Variants in APBA2 observed in about 807,000 individuals in gnomAD.
APBA2 encodes the protein amyloid beta precursor protein binding family A member 2.
In APBA2, 30 loss-of-function variants were observed where a neutral mutation model predicts 75.0. The observed-to-expected ratio is 0.40, with a 90% CI of 0.30 to 0.54. APBA2 has a LOEUF of 0.54. Ranked by LOEUF, APBA2 falls within the 20% of genes least tolerant of loss-of-function variation. The pLI is 0.49. For synonymous variants in APBA2, 444 were observed against 409.6 expected, an observed-to-expected ratio of 1.08 and a Z score of -1.01; for missense variants, 801 against 1,016.1, an observed-to-expected ratio of 0.79 and a Z score of 2.88.
chr15:28,955,333 C>T (rs904356664), intron 2 of APBA2, among the ~76,000 whole-genome samples: 5 of 152,182 alleles, frequency 3.3e-5, no homozygotes, highest in Non-Finnish European at 7.4e-5. Context: ...CTTTCTCAAC[C>T]GTACTTCCTG....
At chr15:28,964,242 C>T (rs1049457045) in intron 2 of APBA2, among the ~76,000 whole-genome samples, 2 of 152,206 alleles carry the variant, frequency 1.3e-5, no homozygotes, top group African/African-American at 4.8e-5. Context: ...AACTATTTTC[C>T]AGAGTGGCTG....
At chr15:29,044,007 C>T (rs928003500) in intron 3 of APBA2, among the ~76,000 whole-genome samples, 1 of 152,150 alleles carries the variant, frequency 6.6e-6, no homozygotes, top group Non-Finnish European at 1.5e-5. Flanking sequence ...GTGAAAGCAA[C>T]TAAATTATAT....
chr15:29,003,169 C>T (rs978077048), intron 3 of APBA2, among the ~76,000 whole-genome samples: 1 of 152,018 alleles, frequency 6.6e-6, no homozygotes, highest in South Asian at 2.1e-4. Context: ...ATGTGCTTTC[C>T]ATAGTTGACC....
chr15:29,019,949 TTCCCG>T (rs1351353376), intron 3 of APBA2, among the ~76,000 whole-genome samples: 1 of 152,260 alleles, frequency 6.6e-6, no homozygotes, highest in East Asian at 1.9e-4. Flanking sequence ...GTGTCATCAG[TTCCCG>T]ACATTATAAC....
chr15:29,048,771 T>TA (rs938995204), intron 3 of APBA2, among the ~76,000 whole-genome samples: 70 of 147,322 alleles, frequency 4.8e-4, no homozygotes, highest in East Asian at 2.6e-3. Flanking sequence ...ACATCTCTAC[T>TA]AAAAAAAAAA....
At chr15:29,052,279 C>T (rs1271549914) in intron 3 of APBA2, among the ~76,000 whole-genome samples, 1 of 151,850 alleles carries the variant, frequency 6.6e-6, no homozygotes, top group Non-Finnish European at 1.5e-5. Flanking sequence ...CACGGTGAAA[C>T]CCCGTCTCTA....
At chr15:28,989,832 A>G (rs574180044) in intron 2 of APBA2, among the ~76,000 whole-genome samples, 24 of 152,168 alleles carry the variant, frequency 1.6e-4, no homozygotes, top group African/African-American at 5.8e-4. Flanking sequence ...CTTCCCCTTC[A>G]TCCTGGCCTG....
At chr15:29,093,364 C>T (rs540199878) in intron 7 of APBA2, 144 bp downstream of exon 7, 27 of 1,290,114 alleles carry the variant, frequency 2.1e-5, no homozygotes, top group Middle Eastern at 2.6e-4. Flanking sequence ...CAGGTGCCAA[C>T]GAGGCTGAGG....
At position 28,991,562 on chromosome 15, in the gene APBA2, C is replaced by A. The variant is rs2038234144; in HGVS notation, c.-94-4191C>A. Among the ~76,000 whole-genome samples the A allele has an allele frequency of 1.3e-5, 2 of 152,168 alleles. No individual in the cohort carries two copies. Among genetic ancestry groups the A allele is most frequent in the South Asian group, 4.1e-4 (2 of 4,826 alleles). ...ACGAAGGCCATGTGAGTGTGAACCCCCATTACAAGCTTTCCCTCATGAGAT... is the reference window on the plus strand; with the variant it reads ...ACGAAGGCCATGTGAGTGTGAACCCACATTACAAGCTTTCCCTCATGAGAT... On this transcript the variant is annotated intron_variant, in intron 2 of 14. Transcript: ENST00000683413. This position sits in a 1 kb window ranked among gnomAD's most constrained non-coding sequence, Gnocchi z 4.7.
At chr15:29,103,999 G>T (rs1489316661) in intron 10 of APBA2, among the ~76,000 whole-genome samples, 1 of 152,256 alleles carries the variant, frequency 6.6e-6, no homozygotes. Flanking sequence ...GTGGGAACCG[G>T]CAAGTCCTGG....
Position 29,054,273 on chromosome 15 carries a change from A to G in APBA2, c.389A>G (p.Asp130Gly), listed in dbSNP as rs1196655998. Reference sequence around the variant, plus strand: ...CTGGCCCACAGTGCACACCCTGTGGACACTGATGAGTGCCAGGAGGCGGTG... The same window carrying G: ...CTGGCCCACAGTGCACACCCTGTGGGCACTGATGAGTGCCAGGAGGCGGTG... ...EYLAHSAHPV[D>G]TDECQEAVEE... The change falls in exon 4 of 15, where the codon GAC (aspartate) becomes GGC (glycine). Residue 130 changes from aspartate (D) to glycine (G), a missense_variant. Asp to Gly is a moderately conservative substitution (Grantham distance 94, BLOSUM62 -1). Around this residue, in one of 2 missense-constraint regions of APBA2, gnomAD observed 434 missense variants for 471.6 expected, o/e 0.92. Transcript: ENST00000683413. This position sits in a 1 kb window ranked among gnomAD's most constrained non-coding sequence, Gnocchi z 6.1. 3.1e-6 allele frequency: 5 copies of G among 1,614,154 alleles called. No homozygotes were observed. The highest frequency in any genetic ancestry group is 4.2e-6 in the Non-Finnish European group (5 of 1,180,028).
chr15:29,042,533 C>T (rs1483800910), intron 3 of APBA2, among the ~76,000 whole-genome samples: 1 of 152,134 alleles, frequency 6.6e-6, no homozygotes, highest in Non-Finnish European at 1.5e-5. Flanking sequence ...GCTGGGATTA[C>T]AGGAGTGAGC....
chr15:29,106,560 C>A (rs911480525), intron 11 of APBA2, 47 bp from the exon 12 acceptor site: 1 of 1,606,968 alleles, frequency 6.2e-7, no homozygotes, highest in African/African-American at 1.3e-5. Flanking sequence ...TGGCAGAGGC[C>A]TCGGTCCTTG....
rs1234235064 is a variant in APBA2, at chr15:29,054,105, C to G, written c.221C>G (p.Ser74Cys). 1.9e-6 allele frequency: 3 copies of G among 1,614,170 alleles called. No individual in the cohort carries two copies. The highest frequency in any genetic ancestry group is 2.5e-6 in the Non-Finnish European group (3 of 1,180,040). ...CACAGCCCCGATGGGGACTCCAGCT[C>G]TGACTACGTGAACAACACCTCTGAG... ...HNHSPDGDSS[S>C]DYVNNTSEEE... The change falls in exon 4 of 15, where the codon TCT (serine) becomes TGT (cysteine). Residue 74 changes from serine (S) to cysteine (C), a missense_variant. By Grantham distance (112) the Ser-to-Cys change is moderately radical (BLOSUM62 -1). Transcript: ENST00000683413. This position sits in a 1 kb window ranked among gnomAD's most constrained non-coding sequence, Gnocchi z 6.1.
At chr15:29,025,491 TTC>T (rs2040171636) in intron 3 of APBA2, among the ~76,000 whole-genome samples, 1 of 74,378 alleles carries the variant, frequency 1.3e-5, no homozygotes, top group South Asian at 5.0e-4. Context: ...ATGGTCTCGA[TTC>T]GATCTCTTGA....
intron 4 of APBA2, among the ~76,000 whole-genome samples, chr15:29,071,528 T>C (rs991010369): frequency 1.3e-4 from 20 of 150,468 alleles, no homozygotes; most frequent in Non-Finnish European, 2.7e-4. Flanking sequence ...CTGGCTGGCA[T>C]CTTGTTTTGA....
chr15:28,953,537 C>T (rs368195568), intron 2 of APBA2, among the ~76,000 whole-genome samples: 2 of 152,102 alleles, frequency 1.3e-5, no homozygotes, highest in East Asian at 1.9e-4. Flanking sequence ...CCGCTCCAGT[C>T]GGACTTTTGC....
intron 2 of APBA2, among the ~76,000 whole-genome samples, chr15:28,969,637 G>A (rs1365017444): frequency 1.3e-5 from 2 of 152,058 alleles, no homozygotes; most frequent in Non-Finnish European, 2.9e-5. Context: ...CCGACCCCTC[G>A]GCCGAGCAGA....
Position 29,077,106 on chromosome 15 carries a change from C to G in APBA2, c.1069+1015C>G, listed in dbSNP as rs570210080. On this transcript the variant is annotated intron_variant, in intron 6 of 14. Transcript: ENST00000683413. ...TGAGATAGACTTGGTTCCATTTTGA[C>G]CAATTCAGATAGGCTAAAATGGGTT... 2.0e-5 allele frequency among the ~76,000 whole-genome samples: 3 copies of G among 152,272 alleles called. No homozygotes were observed. In the East Asian group the frequency reaches 5.8e-4, roughly 29 times the overall value.
Sources: allele counts gnomAD v4.1 joint callset (sites outside exome capture counted in the v4.1 genomes callset), GRCh38; gene constraint gnomAD v4.1.1; regional missense constraint gnomAD v4.1.1; non-coding constraint Gnocchi (gnomAD v3.1); transcripts MANE v1.5; gene names NCBI Gene and HGNC (gene_info 2026-07-23, HGNC 2026-07-21).